LCK: variants seen among roughly 807,000 people sequenced by gnomAD.
LCK encodes the protein tyrosine-protein kinase Lck.
LCK carries 14 observed loss-of-function variants against 64.6 expected under a neutral mutation model. That is an observed-to-expected ratio of 0.22 (90% CI 0.14 to 0.34). LCK has a LOEUF of 0.34. LCK is among the 10% of genes least tolerant of loss of function. The pLI is 1.00. For missense variants in LCK, 434 were observed against 668.1 expected, an observed-to-expected ratio of 0.65 and a Z score of 3.86; for synonymous variants, 277 against 263.6, an observed-to-expected ratio of 1.05 and a Z score of -0.49.
intron 12 of LCK, 90 bp downstream of exon 12, chr1:32,280,300 C>CTT (rs1640412997): frequency 3.9e-6 from 6 of 1,533,164 alleles, no homozygotes; most frequent in Non-Finnish European, 5.3e-6. Context: ...GAATCTGAAA[C>CTT]TTTGTAGCTG....
intron 9 of LCK, 181 bp from the exon 10 acceptor site, chr1:32,279,490 C>G: frequency 8.4e-7 from 1 of 1,183,610 alleles, no homozygotes; most frequent in Non-Finnish European, 1.2e-6. Context: ...CCTAGCCCCT[C>G]TGCAAAAAAA....
intron 1 of LCK, among the ~76,000 whole-genome samples, chr1:32,263,758 A>G (rs1639843733): frequency 6.6e-6 from 1 of 152,080 alleles, no homozygotes; most frequent in South Asian, 2.1e-4. Context: ...AAAAAACACA[A>G]AAATTAGTCA....
intron 1 of LCK, among the ~76,000 whole-genome samples, chr1:32,258,718 C>T (rs528447155): frequency 1.5e-4 from 22 of 148,870 alleles, no homozygotes; most frequent in Non-Finnish European, 2.4e-4. Context: ...GCAGGAGAAT[C>T]GCTTGAACCT....
At chr1:32,257,955 T>A (rs1639668586) in intron 1 of LCK, among the ~76,000 whole-genome samples, 1 of 152,030 alleles carries the variant, frequency 6.6e-6, no homozygotes, top group Non-Finnish European at 1.5e-5. Flanking sequence ...TTTTTTTTGT[T>A]CTCTCTGTGT....
At chr1:32,270,250 CTTTTTTTTTTT>C (rs1195979098) in intron 1 of LCK, among the ~76,000 whole-genome samples, 1 of 126,668 alleles carries the variant, frequency 7.9e-6, no homozygotes, top group South Asian at 2.5e-4. Context: ...GCCCAGCTAA[CTTTTTTTTTTT>C]TTTTTTTTTT....
intron 1 of LCK, among the ~76,000 whole-genome samples, chr1:32,257,250 GT>G (rs796131721): frequency 7.6e-6 from 1 of 130,946 alleles, no homozygotes; most frequent in Non-Finnish European, 1.7e-5. Flanking sequence ...TTTTTTTTTT[GT>G]TTTTTTTGTT....
In LCK at chr1:32,274,358, A is replaced by C; in HGVS notation, c.29A>C (p.Glu10Ala). Residue 10 changes from glutamate (E) to alanine (A), a missense_variant, in exon 2 of 13, where the codon GAA (glutamate) becomes GCA (alanine). Glu to Ala is a moderately radical substitution (Grantham distance 107). This residue lies in a region of LCK where 233 missense variants were observed against 291.2 expected (regional missense o/e 0.80). Coordinates refer to ENST00000336890, the MANE Select transcript of LCK (RefSeq NM_005356.5). MGCGCSSHP[E>A]DDWMENIDVC... is the part of the protein sequence containing the mutation. ...GGCTGTGGCTGCAGCTCACACCCGG[A>C]AGATGACTGGATGGAAAACATCGAT... 6.2e-7 allele frequency: 1 copy of C among 1,614,160 alleles called. No homozygotes were observed. The highest frequency in any genetic ancestry group is 8.5e-7 in the Non-Finnish European group (1 of 1,180,002).
At position 32,276,577 on chromosome 1, in the gene LCK, C is replaced by G. The variant is rs2124358895; in HGVS notation, c.785-30C>G. The G allele has an allele frequency of 6.3e-7, 1 of 1,587,684 alleles. No homozygotes were observed. The highest frequency in any genetic ancestry group is 1.7e-4 in the Middle Eastern group (1 of 5,918). ...GAGTCCCAGGACAGCTGCCTGGCGA[C>G]TTTCCCACTCCTTCCCTTCCCCGAC... is the stretch of plus-strand genomic sequence containing the variant. On this transcript the variant is annotated intron_variant, in intron 8 of 12. Transcript: ENST00000336890. This position sits in a 1 kb window ranked among gnomAD's most constrained non-coding sequence, Gnocchi z 4.6.
chr1:32,269,460 A>G (rs1640019543), intron 1 of LCK: 1 of 150,858 alleles, frequency 6.6e-6, no homozygotes, highest in African/African-American at 2.4e-5. Context: ...TTGAGATGGT[A>G]TCTTGCTCTG....
intron 12 of LCK, among the ~76,000 whole-genome samples, chr1:32,285,175 C>A (rs1351649032): frequency 6.6e-6 from 1 of 151,640 alleles, no homozygotes; most frequent in Non-Finnish European, 1.5e-5. Context: ...GTGGTGCATG[C>A]CTGTAATCCC....
intron 1 of LCK, among the ~76,000 whole-genome samples, chr1:32,255,138 C>A (rs1405342690): frequency 6.6e-6 from 1 of 152,144 alleles, no homozygotes. Context: ...CCATGTATGG[C>A]TGCTGAAAAA....
intron 1 of LCK, among the ~76,000 whole-genome samples, chr1:32,255,785 G>A (rs1639615219): frequency 1.3e-5 from 2 of 150,444 alleles, no homozygotes; most frequent in Admixed American, 1.3e-4. Flanking sequence ...CACATAGGAG[G>A]TACCCATTAA....
intron 3 of LCK, 56 bp from the exon 4 acceptor site, chr1:32,274,937 T>C: frequency 6.2e-7 from 1 of 1,614,002 alleles, no homozygotes. Context: ...ACCCTGTAAC[T>C]CCAGGCTTCC....
intron 3 of LCK, 80 bp from the exon 4 acceptor site, chr1:32,274,913 C>T: frequency 6.2e-7 from 1 of 1,614,040 alleles, no homozygotes; most frequent in South Asian, 1.1e-5. Flanking sequence ...CCGGTCTTGC[C>T]TTCCTTGTCC....
At chr1:32,267,088 C>T (rs897990416) in intron 1 of LCK, among the ~76,000 whole-genome samples, 1 of 151,500 alleles carries the variant, frequency 6.6e-6, no homozygotes, top group Admixed American at 6.6e-5. Context: ...CCTCACAAAA[C>T]AGCTCAGCTT....
chr1:32,261,247 T>C (rs1639761186), intron 1 of LCK, among the ~76,000 whole-genome samples: 1 of 107,354 alleles, frequency 9.3e-6, no homozygotes. Context: ...CTAATTTTTT[T>C]TTTTTTTTTT....
intron 1 of LCK, among the ~76,000 whole-genome samples, chr1:32,261,276 C>G (rs1345003272): frequency 7.6e-6 from 1 of 132,004 alleles, no homozygotes; most frequent in Non-Finnish European, 1.6e-5. Flanking sequence ...GAGACAGAGT[C>G]TCACTCCATG....
intron 12 of LCK, among the ~76,000 whole-genome samples, chr1:32,283,797 G>T (rs1640531631): frequency 1.3e-5 from 2 of 152,236 alleles, no homozygotes; most frequent in South Asian, 4.1e-4. Context: ...CCACTGTCTT[G>T]GTTGTGGGTG....
Position 32,274,349 on chromosome 1 carries a change from C to T in LCK, c.20C>T (p.Ser7Leu). MGCGCS[S>L]HPEDDWMENI... ...GGGACCATGGGCTGTGGCTGCAGCT[C>T]ACACCCGGAAGATGACTGGATGGAA... Residue 7 changes from serine (S) to leucine (L), a missense_variant, in exon 2 of 13, where the codon TCA (serine) becomes TTA (leucine). By Grantham distance (145) the Ser-to-Leu change is moderately radical. Transcript: ENST00000336890. 6.2e-7 allele frequency: 1 copy of T among 1,614,166 alleles called. No individual in the cohort carries two copies. Among genetic ancestry groups the T allele is most frequent in the East Asian group, 2.2e-5 (1 of 44,894 alleles).
Sources: allele counts gnomAD v4.1 joint callset (sites outside exome capture counted in the v4.1 genomes callset), GRCh38; gene constraint gnomAD v4.1.1; regional missense constraint gnomAD v4.1.1; non-coding constraint Gnocchi (gnomAD v3.1); transcripts MANE v1.5; gene names NCBI Gene and HGNC (gene_info 2026-07-23, HGNC 2026-07-21).